Variants in NUP210 observed in about 807,000 individuals in gnomAD.
NUP210 encodes the protein nuclear pore membrane glycoprotein 210.
A neutral mutation model predicts 196.0 loss-of-function variants in NUP210; 151 were observed. The observed-to-expected ratio is 0.77, with a 90% CI of 0.67 to 0.88. NUP210 has a LOEUF of 0.88. Among genes scored for constraint, NUP210 ranks in the 40% least tolerant of loss-of-function variants. The probability of loss-of-function intolerance (pLI) is 0.00; values close to 1 mark genes in which losing one functional copy is unlikely to be tolerated. For missense variants in NUP210, 2,314 were observed against 2,493.7 expected, an observed-to-expected ratio of 0.93 and a Z score of 1.53; for synonymous variants, 1,070 against 1,052.7, an observed-to-expected ratio of 1.02 and a Z score of -0.32.
Position 13,399,718 on chromosome 3 carries a change from C to A in NUP210, c.304+7G>T. ...ACCGGGGATCACACACAGCACTCAG[C>A]CCTTACTGATGTCCTCTGCGAAGAT... On this transcript the variant is annotated splice_region_variant and intron_variant, in intron 2 of 39. Transcript: ENST00000254508. 6.2e-7 allele frequency: 1 copy of A among 1,614,132 alleles called. No homozygotes were observed. The highest frequency in any genetic ancestry group is 1.6e-4 in the Middle Eastern group (1 of 6,062).
At position 13,319,978 on chromosome 3, in the gene NUP210, A is replaced by T. The variant is rs1696451765; in HGVS notation, c.5168T>A (p.Val1723Glu). Reference sequence around the variant, plus strand: ...CAGCACGGCCGGGGACCCGGATTTCACCTGGAAGAGACATCAGAGCTGGGG... The same window carrying T: ...CAGCACGGCCGGGGACCCGGATTTCTCCTGGAAGAGACATCAGAGCTGGGG... The part of the protein sequence containing the change: ...GAPEVLENLE[V>E]KSGSPAVLAF... The change falls in exon 37 of 40, where the codon GTG becomes GAG. Residue 1723 changes from valine to glutamate, a missense_variant and splice_region_variant. Physicochemically the swap from Val to Glu is moderately radical, Grantham distance 121. Transcript: ENST00000254508. 1.2e-6 allele frequency: 2 copies of T among 1,613,412 alleles called. No homozygotes were observed. The highest frequency in any genetic ancestry group is 3.3e-5 in the Admixed American group (2 of 60,018).
Position 13,366,214 on chromosome 3 carries a change from C to T in NUP210, c.1787-123G>A, listed in dbSNP as rs7647816. 453 of 911,402 alleles carry T rather than the reference C, an allele frequency of 5.0e-4. 1 individual carries two copies. Among genetic ancestry groups the T allele is most frequent in the African/African-American group, 3.8e-3 (230 of 59,904 alleles). 56.5% of individuals were successfully genotyped at this position (911,402 alleles called of 1,614,324 possible). Reference sequence around the variant, plus strand: ...CATGATCTTGGCTCACTGCGACCTCCGCCTCCGGGGTTCAAGTGATTCTCC... The same window carrying T: ...CATGATCTTGGCTCACTGCGACCTCTGCCTCCGGGGTTCAAGTGATTCTCC... On this transcript the variant is annotated intron_variant, in intron 13 of 39. Coordinates refer to ENST00000254508, the MANE Select transcript of NUP210 (RefSeq NM_024923.4).
In NUP210 at chr3:13,336,859, G is replaced by A. The variant is rs1022896649; in HGVS notation, c.3612C>T (p.Ala1204=). The change falls in exon 27 of 40, where the codon GCC becomes GCT. Residue 1204 remains alanine, a synonymous_variant. Coordinates refer to ENST00000254508, the MANE Select transcript of NUP210 (RefSeq NM_024923.4). ...NHQNPFSFGN[A]VPGLTFHWSV... ...ACCAGTGGAAGGTCAGGCCTGGCAC[G>A]GCATTGCCAAAGGAGAAAGGGTTCT... The A allele has an allele frequency of 9.9e-6, 16 of 1,613,784 alleles. No individual in the cohort carries two copies. Among genetic ancestry groups the A allele is most frequent in the East Asian group, 4.5e-5 (2 of 44,862 alleles).
chr3:13,410,881 G>A (rs1304225898), intron 1 of NUP210, among the ~76,000 whole-genome samples: 11 of 142,720 alleles, frequency 7.7e-5, no homozygotes, highest in African/African-American at 2.9e-4. Flanking sequence ...TGGCACCACT[G>A]CACTCCAGCC....
chr3:13,375,497 C>CA lies in NUP210; in HGVS notation c.1431+6dup, dbSNP rs1698870393. ...GAATGCACGCAGAGGTGAGGGGTCT[C>CA]ACGTACCCTTATTGTGTACTGATAG... On this transcript the variant is annotated splice_region_variant and intron_variant, in intron 11 of 39. Transcript: ENST00000254508. The CA allele has an allele frequency of 6.2e-7, 1 of 1,613,264 alleles. No homozygotes were observed. The highest frequency in any genetic ancestry group is 8.5e-7 in the Non-Finnish European group (1 of 1,179,470).
intron 16 of NUP210, 123 bp from the exon 17 acceptor site, chr3:13,354,230 G>C (rs1437321377): frequency 1.2e-5 from 10 of 804,470 alleles, no homozygotes; most frequent in Non-Finnish European, 2.0e-5. Flanking sequence ...GTGAGGGAAT[G>C]GGATATGCCA....
chr3:13,384,451 T>C (rs1699209678), intron 6 of NUP210, among the ~76,000 whole-genome samples: 1 of 152,182 alleles, frequency 6.6e-6, no homozygotes, highest in South Asian at 2.1e-4. Context: ...CATAGAGCTG[T>C]TGGGTTATAT....
At chr3:13,343,339 T>TGGGGGGGGGGGGG in intron 20 of NUP210, 36 bp from the exon 21 acceptor site, 6 of 282,490 alleles carry the variant, frequency 2.1e-5, no homozygotes, top group Non-Finnish European at 3.7e-5. Flanking sequence ...GGGTGGGTGG[T>TGGGGGGGGGGGGG]GGGTTACGCA....
At chr3:13,343,342 G>GGGGGCC in intron 20 of NUP210, 39 bp from the exon 21 acceptor site, 2 of 655,984 alleles carry the variant, frequency 3.0e-6, no homozygotes, top group Non-Finnish European at 2.5e-6. Context: ...TGGGTGGTGG[G>GGGGGCC]TTACGCAGCT....
intron 20 of NUP210, 39 bp from the exon 21 acceptor site, chr3:13,343,342 G>GCC: frequency 4.6e-6 from 3 of 655,972 alleles, no homozygotes; most frequent in Non-Finnish European, 5.0e-6. Context: ...TGGGTGGTGG[G>GCC]TTACGCAGCT....
intron 1 of NUP210, among the ~76,000 whole-genome samples, chr3:13,418,948 C>CAAAAA (rs112826426): frequency 1.3e-4 from 7 of 52,460 alleles, no homozygotes; most frequent in East Asian, 6.8e-4. Context: ...AACTCCGTCT[C>CAAAAA]AAAAAAAAAA....
At chr3:13,413,661 A>G (rs1700251473) in intron 1 of NUP210, among the ~76,000 whole-genome samples, 1 of 152,158 alleles carries the variant, frequency 6.6e-6, no homozygotes, top group Non-Finnish European at 1.5e-5. Context: ...AGTACAATGA[A>G]AAGATGGTGT....
At chr3:13,362,170 G>A (rs553290022) in intron 14 of NUP210, among the ~76,000 whole-genome samples, 123 of 152,136 alleles carry the variant, frequency 8.1e-4, no homozygotes, top group Admixed American at 1.6e-3. Flanking sequence ...ACCACATGAG[G>A]AAGGAAAAAC....
rs768111212 is a variant in NUP210 at position 13,319,174 on chromosome 3, G to A, written c.5480-19C>T. On this transcript the variant is annotated intron_variant, in intron 38 of 39. Coordinates refer to ENST00000254508, the MANE Select transcript of NUP210 (RefSeq NM_024923.4). ...TGGTAGGCTGCAAGAGCACAGGGTT[G>A]GTTAGAGCAGGTCGGGGCAGGGGAA... The A allele has an allele frequency of 5.6e-6, 9 of 1,611,498 alleles. No individual in the cohort carries two copies. In the East Asian group the frequency reaches 1.6e-4, roughly 28 times the overall value.
chr3:13,406,894 G>A (rs1016459186), intron 1 of NUP210, among the ~76,000 whole-genome samples: 5 of 149,552 alleles, frequency 3.3e-5, no homozygotes, highest in Non-Finnish European at 5.9e-5. Flanking sequence ...GGAGTGGTGC[G>A]TGTGGCTTTC....
Position 13,378,899 on chromosome 3 carries a change from G to A in NUP210, c.1045+13C>T. ...GAGCAGCATCCATGAGGGCCCAGGA[G>A]GCCCACACTCACCTAGGTATCCAGG... On this transcript the variant is annotated intron_variant, in intron 8 of 39. Coordinates refer to ENST00000254508, the MANE Select transcript of NUP210 (RefSeq NM_024923.4). 6.2e-7 allele frequency: 1 copy of A among 1,602,292 alleles called. No homozygotes were observed. The highest frequency in any genetic ancestry group is 8.6e-7 in the Non-Finnish European group (1 of 1,169,258).
rs775160125 is a variant in NUP210, at chr3:13,339,923, C to T, written c.3402G>A (p.Gly1134=). 9.3e-6 allele frequency: 15 copies of T among 1,613,922 alleles called. No homozygotes were observed. The East Asian group carries it at 3.1e-4, about 34-fold the overall frequency. Residue 1134 remains glycine, a synonymous_variant, in exon 25 of 40, where the codon GGG becomes GGA. Coordinates refer to ENST00000254508, the MANE Select transcript of NUP210 (RefSeq NM_024923.4). ...AAGLVQGLAI[G]NGTVSGLVQA... is the part of the protein sequence containing the mutation. ...GCACGAGCCCAGACACAGTGCCGTT[C>T]CCGATGGCGAGGCCCTGTACCAGCC...
At position 13,348,415 on chromosome 3, in the gene NUP210, T is replaced by C; in HGVS notation, c.2835+3464A>G. On this transcript the variant is annotated intron_variant, in intron 20 of 39. Transcript: ENST00000254508. This position sits in a 1 kb window ranked among gnomAD's most constrained non-coding sequence, Gnocchi z 4.0. ...CTTGCACAGAATGACAGGTGCAAGGTAAATGTGAATGAGAGTGTGCCTCGG... is the reference window on the plus strand; with the variant it reads ...CTTGCACAGAATGACAGGTGCAAGGCAAATGTGAATGAGAGTGTGCCTCGG... 1.0e-6 allele frequency: 1 copy of C among 985,412 alleles called. No individual in the cohort carries two copies. Among genetic ancestry groups the C allele is most frequent in the Non-Finnish European group, 1.2e-6 (1 of 829,936 alleles). 61.0% of individuals were successfully genotyped at this position (985,412 alleles called of 1,614,324 possible).
chr3:13,375,734 G>C, intron 10 of NUP210, 93 bp from the exon 11 acceptor site: 1 of 1,360,888 alleles, frequency 7.3e-7, no homozygotes. Context: ...CCTGGGGATC[G>C]GGTCACAAAG....
Sources: gnomAD v4.1 joint callset for allele counts (sites outside exome capture counted in the v4.1 genomes callset) on GRCh38, gnomAD v4.1.1 for gene constraint, Gnocchi (gnomAD v3.1) non-coding constraint, MANE v1.5 for transcripts, NCBI Gene and HGNC (gene_info 2026-07-23, HGNC 2026-07-21) for gene names.